Variants in CATSPERB observed in about 807,000 individuals in gnomAD.
CATSPERB encodes the protein cation channel sperm-associated auxiliary subunit beta.
Under a neutral mutation model 128.3 loss-of-function variants are expected in CATSPERB, and 93 were observed. That is an observed-to-expected ratio of 0.72 (90% CI 0.61 to 0.86). The LOEUF is 0.86. Ranked by LOEUF, CATSPERB falls within the 40% of genes least tolerant of loss-of-function variation. The probability of loss-of-function intolerance (pLI) is 0.00; values close to 1 mark genes in which losing one functional copy is unlikely to be tolerated. For synonymous variants in CATSPERB, 381 were observed against 448.8 expected (o/e 0.85, Z 1.91); for missense variants, 1,153 against 1,329.5 (o/e 0.87, Z 2.06).
intron 19 of CATSPERB, among the ~76,000 whole-genome samples, chr14:91,618,140 TAAC>T: frequency 1.3e-5 from 2 of 152,306 alleles, no homozygotes; most frequent in African/African-American, 4.8e-5. Flanking sequence ...CTATATAGGG[TAAC>T]TTCCTGATGT....
At position 91,589,518 on chromosome 14, in the gene CATSPERB, T is replaced by G. The variant is rs116644174; in HGVS notation, c.2956+16A>C. The G allele has an allele frequency of 2.4e-4, 388 of 1,603,212 alleles. 2 individuals carry two copies. The African/African-American group carries it at 4.9e-3, about 20-fold the overall frequency. Reference sequence around the variant, plus strand: ...ACTTATCAGATAAAATAATTACAGATGAAAGCAAACCCTACTCAGTTTCCA... The same window carrying G: ...ACTTATCAGATAAAATAATTACAGAGGAAAGCAAACCCTACTCAGTTTCCA... On this transcript the variant is annotated intron_variant, in intron 24 of 26. Transcript: ENST00000256343.
chr14:91,589,721 C>G (rs199594279), intron 23 of CATSPERB, 52 bp from the exon 24 acceptor site: 23 of 1,563,634 alleles, frequency 1.5e-5, no homozygotes, highest in Admixed American at 3.6e-5. Flanking sequence ...TCAATAGTCA[C>G]TTCATTTCCT....
intron 5 of CATSPERB, among the ~76,000 whole-genome samples, chr14:91,715,807 A>T (rs1290476046): frequency 1.4e-4 from 21 of 152,192 alleles, no homozygotes; most frequent in Admixed American, 1.4e-3. Flanking sequence ...GTATTGGTGA[A>T]AGGATACAGT....
chr14:91,704,101 G>T (rs1230792985), intron 7 of CATSPERB, among the ~76,000 whole-genome samples: 1 of 151,976 alleles, frequency 6.6e-6, no homozygotes, highest in Non-Finnish European at 1.5e-5. Flanking sequence ...CATACATTTG[G>T]TATTAGAGTG....
chr14:91,721,467 G>T (rs1425106728), intron 4 of CATSPERB, among the ~76,000 whole-genome samples: 30 of 152,130 alleles, frequency 2.0e-4, no homozygotes, highest in Admixed American at 1.8e-3. Context: ...TACATGAAAA[G>T]ATACTCAACA....
intron 20 of CATSPERB, among the ~76,000 whole-genome samples, chr14:91,617,076 GA>G (rs1893953291): frequency 6.6e-6 from 1 of 152,014 alleles, no homozygotes; most frequent in African/African-American, 2.4e-5. Context: ...GTTGAAGGAA[GA>G]AATGTAATTA....
chr14:91,593,349 C>A (rs576822194), intron 22 of CATSPERB, among the ~76,000 whole-genome samples: 13 of 152,342 alleles, frequency 8.5e-5, no homozygotes, highest in Admixed American at 3.3e-4. Flanking sequence ...GGAAAAGCTG[C>A]AGACACTCAA....
chr14:91,708,230 G>A lies in CATSPERB; in HGVS notation c.377C>T (p.Ala126Val). 1.3e-6 allele frequency: 2 copies of A among 1,592,544 alleles called. No individual in the cohort carries two copies. The highest frequency in any genetic ancestry group is 2.3e-5 in the East Asian group (1 of 44,226). Residue 126 changes from alanine to valine, a missense_variant, in exon 6 of 27, where the codon GCA (alanine) becomes GTA (valine). Ala to Val is a moderately conservative substitution (Grantham distance 64). Transcript: ENST00000256343. ...RENITQSTDI[A>V]AVEEWLVRIT... is the part of the protein sequence containing the mutation. ...TCTTACTAACCATTCTTCTACAGCT[G>A]CAATATCTGTTTGAAAACAAAAGGC...
chr14:91,708,502 G>A (rs1413062784), intron 5 of CATSPERB, among the ~76,000 whole-genome samples: 1 of 152,098 alleles, frequency 6.6e-6, no homozygotes, highest in East Asian at 1.9e-4. Context: ...AGAGCTGTAG[G>A]GGCTTGATAA....
At chr14:91,713,707 G>A (rs1464283326) in intron 5 of CATSPERB, among the ~76,000 whole-genome samples, 1 of 152,074 alleles carries the variant, frequency 6.6e-6, no homozygotes, top group Non-Finnish European at 1.5e-5. Context: ...AAAACTCCAA[G>A]CCCAGATACC....
intron 14 of CATSPERB, among the ~76,000 whole-genome samples, 176 bp from the exon 15 acceptor site, chr14:91,660,157 CT>C (rs890063827): frequency 6.6e-6 from 1 of 151,956 alleles, no homozygotes; most frequent in African/African-American, 2.4e-5. Flanking sequence ...CGTATACAGA[CT>C]CCTTATCTAC....
chr14:91,666,941 C>T (rs1894994464), intron 14 of CATSPERB, among the ~76,000 whole-genome samples: 2 of 152,168 alleles, frequency 1.3e-5, no homozygotes, highest in South Asian at 2.1e-4. Context: ...TAATCCTGAC[C>T]TTAACCTATA....
Position 91,591,982 on chromosome 14 carries a change from C to T in CATSPERB, c.2730G>A (p.Gln910=), listed in dbSNP as rs779630278. The stretch of plus-strand genomic sequence containing the variant: ...CCTCCCGAGTGGAAACATTAGCACA[C>T]TGTTTGAATTTACCGGTTTTCTGCA... ...HMSKKTGKFK[Q]CANVSTREEC... The change falls in exon 23 of 27, where the codon CAG becomes CAA. Residue 910 remains glutamine, a synonymous_variant. Coordinates refer to ENST00000256343, the MANE Select transcript of CATSPERB (RefSeq NM_024764.4). The T allele has an allele frequency of 1.9e-6, 3 of 1,613,432 alleles. No individual in the cohort carries two copies. The highest frequency in any genetic ancestry group is 1.1e-5 in the South Asian group (1 of 91,000).
intron 20 of CATSPERB, among the ~76,000 whole-genome samples, chr14:91,614,582 C>T (rs138673899): frequency 0.015 from 2,323 of 152,170 alleles, 33 homozygotes; most frequent in Non-Finnish European, 0.022. Context: ...TGCTCGAGCC[C>T]AGGAGCCCAG....
rs376341111 is a variant in CATSPERB at position 91,669,795 on chromosome 14, A to G, written c.1287+19T>C. On this transcript the variant is annotated intron_variant, in intron 14 of 26. Coordinates refer to ENST00000256343, the MANE Select transcript of CATSPERB (RefSeq NM_024764.4). ...GATGATTTAACTCTAACACAGACTG[A>G]AGTTCCATGTGTACGCACCTGATTG... 236 of 1,597,280 alleles carry G rather than the reference A, an allele frequency of 1.5e-4. No homozygotes were observed. In the Middle Eastern group the frequency reaches 1.7e-3, roughly 11 times the overall value.
intron 5 of CATSPERB, among the ~76,000 whole-genome samples, chr14:91,712,027 G>T (rs1895848583): frequency 6.6e-6 from 1 of 152,168 alleles, no homozygotes; most frequent in Non-Finnish European, 1.5e-5. Flanking sequence ...ATTGAAAGAA[G>T]AGGAAAACAC....
intron 2 of CATSPERB, among the ~76,000 whole-genome samples, chr14:91,726,664 T>C (rs557025791): frequency 4.6e-5 from 7 of 152,322 alleles, no homozygotes; most frequent in Admixed American, 3.3e-4. Flanking sequence ...GAAGAAGTTT[T>C]TGCCTTTGTT....
chr14:91,688,007 C>G (rs934276963), intron 10 of CATSPERB, among the ~76,000 whole-genome samples: 33 of 150,084 alleles, frequency 2.2e-4, no homozygotes, highest in African/African-American at 8.1e-4. Flanking sequence ...TATGGATAGA[C>G]AGAAAACACA....
chr14:91,641,099 T>C (rs968058241), intron 15 of CATSPERB, among the ~76,000 whole-genome samples: 4 of 136,238 alleles, frequency 2.9e-5, no homozygotes, highest in Non-Finnish European at 4.8e-5. Flanking sequence ...TTTTTTCTTG[T>C]AAATTTGTTT....
Sources: allele counts gnomAD v4.1 joint callset (sites outside exome capture counted in the v4.1 genomes callset), GRCh38; gene constraint gnomAD v4.1.1; transcripts MANE v1.5; gene names NCBI Gene and HGNC (gene_info 2026-07-23, HGNC 2026-07-21).